DERA: variants seen among roughly 807,000 people sequenced by gnomAD.
The protein encoded by DERA is deoxyribose-phosphate aldolase.
Under a neutral mutation model 41.1 loss-of-function variants are expected in DERA, and 15 were observed. The observed-to-expected ratio is 0.37, with a 90% confidence interval of 0.24 to 0.56. The LOEUF (loss-of-function observed/expected upper bound fraction) is 0.56, where lower values mean the gene tolerates loss of function less well. Ranked by LOEUF, DERA falls within the 20% of genes least tolerant of loss-of-function variation. The pLI is 0.81. For missense variants in DERA, 396 were observed against 403.4 expected, an observed-to-expected ratio of 0.98 and a Z score of 0.16; for synonymous variants, 139 against 137.4, an observed-to-expected ratio of 1.01 and a Z score of -0.08.
At chr12:16,018,461 G>A (rs561234276) in intron 6 of DERA, among the ~76,000 whole-genome samples, 1 of 152,190 alleles carries the variant, frequency 6.6e-6, no homozygotes, top group South Asian at 2.1e-4. Flanking sequence ...TGTTCATCTT[G>A]TTCTATTTAG....
At position 15,940,826 on chromosome 12, in the gene DERA, T is replaced by C. The variant is rs1281463545; in HGVS notation, c.32-16110T>C. ...GCATCCTAACATAACTACTAATTTT[T>C]TGAGGTAGATACCGATGCTTTTTAG... On this transcript the variant is annotated intron_variant, in intron 1 of 8. Transcript: ENST00000428559. This position sits in a 1 kb window ranked among gnomAD's most constrained non-coding sequence, Gnocchi z 5.1. Among the ~76,000 whole-genome samples the C allele has an allele frequency of 6.6e-6, 1 of 152,204 alleles. No homozygotes were observed. The highest frequency in any genetic ancestry group is 1.5e-5 in the Non-Finnish European group (1 of 68,028).
intron 1 of DERA, among the ~76,000 whole-genome samples, chr12:15,927,829 A>G (rs1453862953): frequency 6.6e-6 from 1 of 152,174 alleles, no homozygotes; most frequent in Non-Finnish European, 1.5e-5. Flanking sequence ...TGCTTTTTTT[A>G]AAAATTAGGA....
intron 1 of DERA, among the ~76,000 whole-genome samples, chr12:15,948,676 T>C (rs1382841234): frequency 6.6e-6 from 1 of 152,238 alleles, no homozygotes. Context: ...AGTTTGATCA[T>C]CTGAAGCTAT....
rs1948177461 is a variant in DERA at position 15,913,270 on chromosome 12, GA to G, written c.31+1859del. ...TAAATGTGGTTTTTATGCAGCTATCGAAATGATCATAGCTTTGTATTTATTA... is the reference window on the plus strand; with the variant it reads ...TAAATGTGGTTTTTATGCAGCTATCGAATGATCATAGCTTTGTATTTATTA... On this transcript the variant is annotated intron_variant, in intron 1 of 8. Transcript: ENST00000428559. The surrounding 1 kb of genome is among the most constrained non-coding windows in gnomAD (Gnocchi z 4.5). Among the ~76,000 whole-genome samples, 1 of 152,096 alleles carries G rather than the reference GA, an allele frequency of 6.6e-6. No homozygotes were observed. Among genetic ancestry groups the G allele is most frequent in the Non-Finnish European group, 1.5e-5 (1 of 68,014 alleles).
Position 15,911,458 on chromosome 12 carries a change from A to C in DERA, c.31+44A>C. 1 of 1,407,230 alleles carries C rather than the reference A, an allele frequency of 7.1e-7. No homozygotes were observed. The highest frequency in any genetic ancestry group is 9.2e-7 in the Non-Finnish European group (1 of 1,086,026). 87.2% of individuals were successfully genotyped at this position (1,407,230 alleles called of 1,614,324 possible). A position where few individuals can be genotyped will look rare whatever the true frequency, so the allele number is the denominator to read the frequency against. On this transcript the variant is annotated intron_variant, in intron 1 of 8. Coordinates refer to ENST00000428559, the MANE Select transcript of DERA (RefSeq NM_015954.4). This position sits in a 1 kb window ranked among gnomAD's most constrained non-coding sequence, Gnocchi z 4.5. ...TCCCCATCCCCTCTCCCTCGCGTTC[A>C]GCGCCGCCGGGACTAGCGCGGGGCC...
rs1295798875 is a variant in DERA at position 16,032,612 on chromosome 12, G to T, written c.708G>T (p.Met236Ile). The T allele has an allele frequency of 1.3e-6, 2 of 1,567,608 alleles. No homozygotes were observed. The highest frequency in any genetic ancestry group is 4.7e-5 in the East Asian group (2 of 42,810). The change falls in exon 7 of 9, where the codon ATG (methionine) becomes ATT (isoleucine). Residue 236 changes from methionine (M) to isoleucine (I), a missense_variant. Met to Ile is a conservative substitution (Grantham distance 10). Coordinates refer to ENST00000428559, the MANE Select transcript of DERA (RefSeq NM_015954.4). ...VNATFPVAIV[M>I]LRAIRDFFWK... is the part of the protein sequence containing the mutation. ...CCACCTTCCCGGTAGCTATAGTAATGCTGCGGGCCATTAGAGATTTCTTCT... is the reference window on the plus strand; with the variant it reads ...CCACCTTCCCGGTAGCTATAGTAATTCTGCGGGCCATTAGAGATTTCTTCT...
rs1057004709 is a variant in DERA at position 15,993,164 on chromosome 12, G to A, written c.637+10728G>A. ...TAATACAGAAACAATGAGAGGAAGC[G>A]GAGAAATAAGAGAATATAGGGGAAG... On this transcript the variant is annotated intron_variant, in intron 6 of 8. Transcript: ENST00000428559. This position sits in a 1 kb window ranked among gnomAD's most constrained non-coding sequence, Gnocchi z 4.4. Among the ~76,000 whole-genome samples, 14 of 151,714 alleles carry A rather than the reference G, an allele frequency of 9.2e-5. No individual in the cohort carries two copies. Among genetic ancestry groups the A allele is most frequent in the South Asian group, 2.1e-4 (1 of 4,806 alleles).
At position 15,931,534 on chromosome 12, in the gene DERA, A is replaced by G. The variant is rs1468168810; in HGVS notation, c.31+20120A>G. ...CAAAACTGTCATCAGAAGTTTTCCC[A>G]GAGTACATTAAGTTGAAAAACTACA... On this transcript the variant is annotated intron_variant, in intron 1 of 8. Coordinates refer to ENST00000428559, the MANE Select transcript of DERA (RefSeq NM_015954.4). The surrounding 1 kb of genome is among the most constrained non-coding windows in gnomAD (Gnocchi z 4.6). 6.6e-6 allele frequency among the ~76,000 whole-genome samples: 1 copy of G among 152,236 alleles called. No homozygotes were observed. Among genetic ancestry groups the G allele is most frequent in the African/African-American group, 2.4e-5 (1 of 41,466 alleles).
rs1367727005 is a variant in DERA, at chr12:16,032,604, A to G, written c.700A>G (p.Ile234Val). 7 of 1,568,888 alleles carry G rather than the reference A, an allele frequency of 4.5e-6. No individual in the cohort carries two copies. The highest frequency in any genetic ancestry group is 6.1e-6 in the Non-Finnish European group (7 of 1,155,720). The change falls in exon 7 of 9, where the codon ATA (isoleucine) becomes GTA (valine). Residue 234 changes from isoleucine (I) to valine (V), a missense_variant. Physicochemically the swap from Ile to Val is conservative, Grantham distance 29. Transcript: ENST00000428559. ...AGTAAATGCCACCTTCCCGGTAGCTATAGTAATGCTGCGGGCCATTAGAGA... is the reference window on the plus strand; with the variant it reads ...AGTAAATGCCACCTTCCCGGTAGCTGTAGTAATGCTGCGGGCCATTAGAGA... Reference protein sequence around the residue: ...ETVNATFPVAIVMLRAIRDFF... With the variant: ...ETVNATFPVAVVMLRAIRDFF...
chr12:15,937,891 AT>A (rs1948380402), intron 1 of DERA, among the ~76,000 whole-genome samples: 2 of 152,384 alleles, frequency 1.3e-5, no homozygotes, highest in Admixed American at 1.3e-4. Flanking sequence ...TCATCAATTC[AT>A]CAAATATTTG....
In DERA at chr12:16,027,865, T is replaced by C. The variant is rs540613575; in HGVS notation, c.638-4677T>C. The stretch of plus-strand genomic sequence containing the variant: ...CAAACTCCTGAAATTGCTAAATGAG[T>C]TTACCAAGGTTGCACGATGCATGGT... On this transcript the variant is annotated intron_variant, in intron 6 of 8. Coordinates refer to ENST00000428559, the MANE Select transcript of DERA (RefSeq NM_015954.4). Among the ~76,000 whole-genome samples the C allele has an allele frequency of 7.2e-5, 11 of 152,244 alleles. No individual in the cohort carries two copies. In the South Asian group the frequency reaches 2.3e-3, roughly 32 times the overall value.
At position 16,009,535 on chromosome 12, in the gene DERA, T is replaced by C. The variant is rs1948934117; in HGVS notation, c.638-23007T>C. Among the ~76,000 whole-genome samples the C allele has an allele frequency of 6.6e-6, 1 of 152,212 alleles. No homozygotes were observed. The highest frequency in any genetic ancestry group is 2.4e-5 in the African/African-American group (1 of 41,464). The stretch of plus-strand genomic sequence containing the variant: ...AAATAAACAGATCTCCAGCATATGT[T>C]GACACTGTTCACTGTCTCTAACCCA... On this transcript the variant is annotated intron_variant, in intron 6 of 8. Transcript: ENST00000428559. This position sits in a 1 kb window ranked among gnomAD's most constrained non-coding sequence, Gnocchi z 5.3.
chr12:16,032,243 CTCAGT>C (rs946387066), intron 6 of DERA, among the ~76,000 whole-genome samples: 2 of 152,046 alleles, frequency 1.3e-5, no homozygotes, highest in African/African-American at 4.8e-5. Context: ...TTTTATTCAT[CTCAGT>C]TATGTATTAA....
chr12:15,942,214 G>GT (rs1222922226), intron 1 of DERA, among the ~76,000 whole-genome samples: 3 of 152,002 alleles, frequency 2.0e-5, no homozygotes, highest in Admixed American at 6.6e-5. Context: ...GGGATTACTT[G>GT]TTTTTTTCTT....
Position 15,940,782 on chromosome 12 carries a change from T to C in DERA, c.32-16154T>C, listed in dbSNP as rs979051344. 6.6e-6 allele frequency among the ~76,000 whole-genome samples: 1 copy of C among 152,264 alleles called. No individual in the cohort carries two copies. The highest frequency in any genetic ancestry group is 2.4e-5 in the African/African-American group (1 of 41,464). On this transcript the variant is annotated intron_variant, in intron 1 of 8. Coordinates refer to ENST00000428559, the MANE Select transcript of DERA (RefSeq NM_015954.4). The surrounding 1 kb of genome is among the most constrained non-coding windows in gnomAD (Gnocchi z 5.1). Reference sequence around the variant, plus strand: ...CTGTATCTTCTGAATATGTGTTAAATTGCCATCTTTGGACACAGGCATCCT... The same window carrying C: ...CTGTATCTTCTGAATATGTGTTAAACTGCCATCTTTGGACACAGGCATCCT...
Position 15,941,145 on chromosome 12 carries a change from G to C in DERA, c.32-15791G>C, listed in dbSNP as rs1278858537. 2.6e-5 allele frequency among the ~76,000 whole-genome samples: 4 copies of C among 152,148 alleles called. No homozygotes were observed. The highest frequency in any genetic ancestry group is 2.6e-4 in the Admixed American group (4 of 15,278). On this transcript the variant is annotated intron_variant, in intron 1 of 8. Coordinates refer to ENST00000428559, the MANE Select transcript of DERA (RefSeq NM_015954.4). This position sits in a 1 kb window ranked among gnomAD's most constrained non-coding sequence, Gnocchi z 4.5. The stretch of plus-strand genomic sequence containing the variant: ...AAGCATTGCTTTCAGTGTGCTCTCT[G>C]CAAGGAACCTAGTGATTTCCCGTAC...
chr12:15,929,458 G>GGCTT (rs2136129492), intron 1 of DERA, among the ~76,000 whole-genome samples: 1 of 152,256 alleles, frequency 6.6e-6, no homozygotes, highest in South Asian at 2.1e-4. Flanking sequence ...ATGTAGCGGA[G>GGCTT]GCTTGTTTGT....
chr12:15,939,981 C>G (rs1948397612), intron 1 of DERA, among the ~76,000 whole-genome samples: 1 of 152,142 alleles, frequency 6.6e-6, no homozygotes, highest in South Asian at 2.1e-4. Flanking sequence ...AATTATGTGT[C>G]TGTCACAAAG....
Position 15,966,275 on chromosome 12 carries a change from C to T in DERA, c.508+3328C>T, listed in dbSNP as rs1308628786. 1.3e-5 allele frequency among the ~76,000 whole-genome samples: 2 copies of T among 152,042 alleles called. No homozygotes were observed. Among genetic ancestry groups the T allele is most frequent in the South Asian group, 2.1e-4 (1 of 4,816 alleles). On this transcript the variant is annotated intron_variant, in intron 5 of 8. Transcript: ENST00000428559. This position sits in a 1 kb window ranked among gnomAD's most constrained non-coding sequence, Gnocchi z 5.1. Reference sequence around the variant, plus strand: ...GGTTGGGAGTTTGAGACCAGCCTGGCCAACATGGCAAAACCCTATCTCTAC... The same window carrying T: ...GGTTGGGAGTTTGAGACCAGCCTGGTCAACATGGCAAAACCCTATCTCTAC...
Sources: gnomAD v4.1 joint callset for allele counts (sites outside exome capture counted in the v4.1 genomes callset) on GRCh38, gnomAD v4.1.1 for gene constraint, Gnocchi (gnomAD v3.1) non-coding constraint, MANE v1.5 for transcripts, NCBI Gene and HGNC (gene_info 2026-07-23, HGNC 2026-07-21) for gene names.